UPF3A: variants seen among roughly 807,000 people sequenced by gnomAD.
UPF3A encodes regulator of nonsense transcripts 3A.
A neutral mutation model predicts 53.5 loss-of-function variants in UPF3A; 42 were observed. The ratio of observed to expected loss-of-function variants is 0.78; its 90% CI spans 0.61 to 1.01. The LOEUF (loss-of-function observed/expected upper bound fraction) is 1.01, where lower values mean the gene tolerates loss of function less well. Among genes scored for constraint, UPF3A ranks in the 50% least tolerant of loss-of-function variants. The pLI is 0.00. For missense variants in UPF3A, 575 were observed against 598.0 expected, an observed-to-expected ratio of 0.96 and a Z score of 0.40; for synonymous variants, 237 against 225.3, an observed-to-expected ratio of 1.05 and a Z score of -0.47.
Position 114,281,855 on chromosome 13 carries a change from G to C in UPF3A, c.207+9G>C. ...GGACGGCCCTGAGCAAGGTGGGGACGGGGGCGGGGCGCGCAAACCTCGCGA... is the reference window on the plus strand; with the variant it reads ...GGACGGCCCTGAGCAAGGTGGGGACCGGGGCGGGGCGCGCAAACCTCGCGA... On this transcript the variant is annotated intron_variant, in intron 1 of 9. Coordinates refer to ENST00000375299, the MANE Select transcript of UPF3A (RefSeq NM_023011.4). 6 of 1,521,346 alleles carry C rather than the reference G, an allele frequency of 3.9e-6. No homozygotes were observed. Among genetic ancestry groups the C allele is most frequent in the Non-Finnish European group, 5.3e-6 (6 of 1,133,784 alleles). 94.2% of individuals were successfully genotyped at this position (1,521,346 alleles called of 1,614,324 possible). A position where few individuals can be genotyped will look rare whatever the true frequency, so the allele number is the denominator to read the frequency against.
rs753677899 is a variant in UPF3A, at chr13:114,301,974, G to A, written c.1251G>A (p.Ala417=). Residue 417 remains alanine (A), a synonymous_variant, in exon 9 of 10, where the codon GCG becomes GCA. Coordinates refer to ENST00000375299, the MANE Select transcript of UPF3A (RefSeq NM_023011.4). Reference sequence around the variant, plus strand: ...AGGCCATGGAGAGACTGGGAAGAGCGCAGAGGTGTGACGACAGTCCAGCAC... The same window carrying A: ...AGGCCATGGAGAGACTGGGAAGAGCACAGAGGTGTGACGACAGTCCAGCAC... ...PGEAMERLGR[A]QRCDDSPAPR... is the part of the protein sequence containing the mutation. 40 of 1,592,578 alleles carry A rather than the reference G, an allele frequency of 2.5e-5. No individual in the cohort carries two copies. The highest frequency in any genetic ancestry group is 2.9e-5 in the Non-Finnish European group (34 of 1,168,710).
chr13:114,303,636 A>G (rs929850088), intron 9 of UPF3A, among the ~76,000 whole-genome samples: 42 of 152,172 alleles, frequency 2.8e-4, no homozygotes, highest in African/African-American at 9.9e-4. Flanking sequence ...AAATACAAAA[A>G]TTAAGCGGGC....
At chr13:114,296,925 C>T (rs547507232) in intron 7 of UPF3A, among the ~76,000 whole-genome samples, 105 of 152,148 alleles carry the variant, frequency 6.9e-4, no homozygotes, top group Non-Finnish European at 1.3e-3. Flanking sequence ...TTATTACAGA[C>T]ATGTTACTGT....
intron 9 of UPF3A, among the ~76,000 whole-genome samples, chr13:114,304,425 A>G (rs1423100887): frequency 6.6e-6 from 1 of 152,218 alleles, no homozygotes; most frequent in Non-Finnish European, 1.5e-5. Flanking sequence ...CCCCATGGAA[A>G]TTGCTTACTA....
intron 7 of UPF3A, among the ~76,000 whole-genome samples, 184 bp downstream of exon 7, chr13:114,291,976 C>T (rs2085316081): frequency 6.6e-6 from 1 of 152,116 alleles, no homozygotes; most frequent in African/African-American, 2.4e-5. Flanking sequence ...ACAGTGCGTC[C>T]TGAGCCCTGG....
intron 7 of UPF3A, 40 bp from the exon 8 acceptor site, chr13:114,298,800 G>T: frequency 6.9e-7 from 1 of 1,440,430 alleles, no homozygotes; most frequent in South Asian, 1.6e-5. Context: ...TTTAAAATAT[G>T]CTCTCAAGGT....
In UPF3A at chr13:114,300,163, G is replaced by A. The variant is rs139064860; in HGVS notation, c.1007+1163G>A. ...TCCCCAACAGCCCTGGCAAATGAGCGAAGCAGCCATTTATTTACTATTCAT... is the reference window on the plus strand; with the variant it reads ...TCCCCAACAGCCCTGGCAAATGAGCAAAGCAGCCATTTATTTACTATTCAT... On this transcript the variant is annotated intron_variant, in intron 8 of 9. Transcript: ENST00000375299. Among the ~76,000 whole-genome samples the A allele has an allele frequency of 8.0e-3, 1,222 of 152,240 alleles. 5 individuals carry two copies. The highest frequency in any genetic ancestry group is 0.013 in the Non-Finnish European group (852 of 68,014).
At chr13:114,284,433 A>G (rs2084454705) in intron 3 of UPF3A, among the ~76,000 whole-genome samples, 1 of 150,898 alleles carries the variant, frequency 6.6e-6, no homozygotes. Flanking sequence ...GTGATGGCTC[A>G]CTCCTGTAAT....
chr13:114,286,214 T>TA, intron 3 of UPF3A, 88 bp from the exon 4 acceptor site: 16 of 1,535,492 alleles, frequency 1.0e-5, no homozygotes, highest in Admixed American at 1.9e-5. Flanking sequence ...TTGTTACACT[T>TA]ACTCTTTAAG....
rs1342261002 is a variant in UPF3A, at chr13:114,298,887, AAAAG to A, written c.900_903del (p.Arg301GlufsTer20). 6.3e-7 allele frequency: 1 copy of A among 1,599,344 alleles called. No individual in the cohort carries two copies. Among genetic ancestry groups the A allele is most frequent in the African/African-American group, 1.4e-5 (1 of 73,666 alleles). ...GAGAGGAACCAACCACAGAGAAACC[AAAAG>A]AAAGAGGAGAGGAGATTGATACTGG... On this transcript the variant is annotated frameshift_variant, in exon 8 of 10. Transcript: ENST00000375299. LOFTEE classifies it high-confidence loss of function.
intron 8 of UPF3A, among the ~76,000 whole-genome samples, chr13:114,300,141 C>A (rs2086463187): frequency 6.6e-6 from 1 of 152,142 alleles, no homozygotes; most frequent in Non-Finnish European, 1.5e-5. Context: ...CTTATGGTCC[C>A]CAACAGCCCT....
rs577525359 is a variant in UPF3A at position 114,291,492 on chromosome 13, G to A, written c.635G>A (p.Arg212Lys). 1.2e-6 allele frequency: 2 copies of A among 1,606,146 alleles called. No homozygotes were observed. The highest frequency in any genetic ancestry group is 1.1e-5 in the South Asian group (1 of 88,244). ...MEAKTRELIA[R>K]RTTPLLEYIK... Reference sequence around the variant, plus strand: ...TATTACAATTTTTGTGTTTTAGCTAGAAGAACCACACCTCTTTTGGAATAT... The same window carrying A: ...TATTACAATTTTTGTGTTTTAGCTAAAAGAACCACACCTCTTTTGGAATAT... Residue 212 changes from arginine to lysine, a missense_variant, in exon 6 of 10, where the codon AGA (arginine) becomes AAA (lysine). Physicochemically the swap from Arg to Lys is conservative, Grantham distance 26. This residue lies in a region of UPF3A where 323 missense variants were observed against 415.2 expected (regional missense o/e 0.78). Coordinates refer to ENST00000375299, the MANE Select transcript of UPF3A (RefSeq NM_023011.4).
intron 7 of UPF3A, among the ~76,000 whole-genome samples, chr13:114,296,709 G>C (rs957993844): frequency 6.6e-6 from 1 of 152,182 alleles, no homozygotes; most frequent in African/African-American, 2.4e-5. Flanking sequence ...GGGCAGTCTT[G>C]TGGGACTGAG....
In UPF3A at chr13:114,286,639, G is replaced by C. The variant is rs2084719099; in HGVS notation, c.631+10G>C. 1 of 1,594,330 alleles carries C rather than the reference G, an allele frequency of 6.3e-7. No homozygotes were observed. The highest frequency in any genetic ancestry group is 1.1e-5 in the South Asian group (1 of 87,606). On this transcript the variant is annotated intron_variant, in intron 5 of 9. Transcript: ENST00000375299. The stretch of plus-strand genomic sequence containing the variant: ...ACAAGAGAGCTCATTGGTCTGTTTT[G>C]CTCATTTCTTCTCTTTTCTTTATTG...
chr13:114,281,731 T>G lies in UPF3A; in HGVS notation c.92T>G (p.Val31Gly). The part of the protein sequence containing the change: ...SGREKLSALE[V>G]QFHRDSQQQE... ...AGGGAGAAGCTGTCGGCCCTAGAAG[T>G]GCAGTTCCACCGCGACTCGCAGCAG... The change falls in exon 1 of 10, where the codon GTG (valine) becomes GGG (glycine). Residue 31 changes from valine to glycine, a missense_variant. Around this residue, in one of 2 missense-constraint regions of UPF3A, gnomAD observed 252 missense variants for 182.7 expected, o/e 1.38. Coordinates refer to ENST00000375299, the MANE Select transcript of UPF3A (RefSeq NM_023011.4). 6.4e-7 allele frequency: 1 copy of G among 1,557,370 alleles called. No individual in the cohort carries two copies. The highest frequency in any genetic ancestry group is 8.7e-7 in the Non-Finnish European group (1 of 1,151,700).
rs1459808645 is a variant in UPF3A, at chr13:114,282,700, G to C, written c.315-137G>C. 3.4e-6 allele frequency: 5 copies of C among 1,482,368 alleles called. No homozygotes were observed. The East Asian group carries it at 1.3e-4, about 37-fold the overall frequency. 91.8% of individuals were successfully genotyped at this position (1,482,368 alleles called of 1,614,324 possible). A position where few individuals can be genotyped will look rare whatever the true frequency, so the allele number is the denominator to read the frequency against. On this transcript the variant is annotated intron_variant, in intron 2 of 9. Coordinates refer to ENST00000375299, the MANE Select transcript of UPF3A (RefSeq NM_023011.4). ...GTTTTTGCTAAAGAATATCCAAGTT[G>C]TTACAATTAACTGAGATGATTTGGC...
intron 3 of UPF3A, 27 bp from the exon 4 acceptor site, chr13:114,286,275 C>T (rs752014002): frequency 2.5e-6 from 4 of 1,609,438 alleles, no homozygotes; most frequent in South Asian, 1.1e-5. Flanking sequence ...TTCAGAATGG[C>T]TTCTGGAACA....
Position 114,304,781 on chromosome 13 carries a change from C to A in UPF3A, c.1303-8C>A. 6.2e-7 allele frequency: 1 copy of A among 1,613,292 alleles called. No individual in the cohort carries two copies. The highest frequency in any genetic ancestry group is 1.1e-5 in the South Asian group (1 of 90,962). ...TTGGAAGAGTAACATGCCCTCTTAT[C>A]CTGGCAGGACCGGCCAGCCTTGCAG... On this transcript the variant is annotated splice_region_variant and splice_polypyrimidine_tract_variant and intron_variant, in intron 9 of 9. Coordinates refer to ENST00000375299, the MANE Select transcript of UPF3A (RefSeq NM_023011.4).
intron 3 of UPF3A, 83 bp downstream of exon 3, chr13:114,283,026 T>G: frequency 9.1e-7 from 1 of 1,104,010 alleles, no homozygotes; most frequent in Non-Finnish European, 1.3e-6. Flanking sequence ...GCTTTTTAAA[T>G]TATTATTATT....
Sources: allele counts gnomAD v4.1 joint callset (sites outside exome capture counted in the v4.1 genomes callset), GRCh38; gene constraint gnomAD v4.1.1; regional missense constraint gnomAD v4.1.1; transcripts MANE v1.5; gene names NCBI Gene and HGNC (gene_info 2026-07-23, HGNC 2026-07-21).